Variants in JPT1 observed in about 807,000 individuals in gnomAD.
JPT1 encodes the protein Jupiter microtubule associated homolog 1, also known as androgen-regulated protein 2.
Under a neutral mutation model 17.0 loss-of-function variants are expected in JPT1, and 5 were observed. The observed-to-expected ratio is 0.29, with a 90% confidence interval of 0.15 to 0.62. JPT1 has a LOEUF of 0.62. Ranked by LOEUF, JPT1 falls within the 20% of genes least tolerant of loss-of-function variation. JPT1 has a pLI of 0.85. For missense variants in JPT1, 158 were observed against 188.1 expected, an observed-to-expected ratio of 0.84 and a Z score of 0.94; for synonymous variants, 71 against 73.6, an observed-to-expected ratio of 0.96 and a Z score of 0.18.
At chr17:75,136,350 T>C (rs138237652) in intron 4 of JPT1, 100 bp from the exon 5 acceptor site, 1 of 1,202,232 alleles carries the variant, frequency 8.3e-7, no homozygotes, top group Non-Finnish European at 1.2e-6. Flanking sequence ...GGTTTGATGG[T>C]TGGAAACATA....
At chr17:75,140,909 G>C (rs930120754) in intron 4 of JPT1, among the ~76,000 whole-genome samples, 2 of 152,174 alleles carry the variant, frequency 1.3e-5, no homozygotes, top group African/African-American at 4.8e-5. Context: ...GGGCAAGATG[G>C]TGAAATCCTG....
At chr17:75,147,146 G>A (rs779696311) in intron 3 of JPT1, among the ~76,000 whole-genome samples, 32 of 151,546 alleles carry the variant, frequency 2.1e-4, no homozygotes, top group Middle Eastern at 3.4e-3. Context: ...GTCGGGCGGG[G>A]TCTTTCCACT....
At chr17:75,150,843 CTTTCT>C (rs1399849308) in intron 1 of JPT1, among the ~76,000 whole-genome samples, 3 of 111,568 alleles carry the variant, frequency 2.7e-5, no homozygotes, top group Non-Finnish European at 3.6e-5. Flanking sequence ...CAACATTTTT[CTTTCT>C]TTTTTTTTTT....
chr17:75,153,223 AG>A (rs2074581186), intron 1 of JPT1: 1 of 152,224 alleles, frequency 6.6e-6, no homozygotes, highest in African/African-American at 2.4e-5. Flanking sequence ...CCCACCTTAA[AG>A]AACAGTGTGC....
rs76538354 is a variant in JPT1, at chr17:75,135,976, G to A, written c.*126C>T. On this transcript the variant is annotated 3_prime_UTR_variant, in exon 5 of 5. Coordinates refer to ENST00000409753, the MANE Select transcript of JPT1 (RefSeq NM_016185.4). ...TGTTCTTCAAAAGAAAAAAAAAAAA[G>A]ACAGCAGTACATAAAGTGCTTCTTT... 33 of 1,532,890 alleles carry A rather than the reference G, an allele frequency of 2.2e-5. No homozygotes were observed. Among genetic ancestry groups the A allele is most frequent in the Admixed American group, 6.2e-5 (3 of 48,316 alleles). The allele number at this position is 1,532,890 out of a possible 1,614,324, so 95.0% of individuals were successfully genotyped here. A position where few individuals can be genotyped will look rare whatever the true frequency, so the allele number is the denominator to read the frequency against.
chr17:75,152,046 T>C (rs2074562840), intron 1 of JPT1, among the ~76,000 whole-genome samples: 1 of 151,870 alleles, frequency 6.6e-6, no homozygotes, highest in Admixed American at 6.6e-5. Context: ...CTCTAACCAG[T>C]CCCACTTTTT....
At chr17:75,137,369 G>GAT (rs1250409093) in intron 4 of JPT1, among the ~76,000 whole-genome samples, 1 of 151,512 alleles carries the variant, frequency 6.6e-6, no homozygotes, top group African/African-American at 2.4e-5. Context: ...GCAGGTGGAG[G>GAT]ATATTGAGAC....
chr17:75,142,041 C>T (rs1334397961), intron 4 of JPT1, among the ~76,000 whole-genome samples: 3 of 152,108 alleles, frequency 2.0e-5, no homozygotes, highest in Non-Finnish European at 1.5e-5. Flanking sequence ...TGCACTCCAG[C>T]CTGGGTGACA....
chr17:75,153,187 GA>G (rs2074580464), intron 1 of JPT1: 1 of 152,188 alleles, frequency 6.6e-6, no homozygotes, highest in African/African-American at 2.4e-5. Flanking sequence ...TCCAAGCCTT[GA>G]AGAGGATCCC....
Position 75,144,721 on chromosome 17 carries a change from C to G in JPT1, c.316+1945G>C, listed in dbSNP as rs75155382. 1.8e-3 allele frequency among the ~76,000 whole-genome samples: 271 copies of G among 152,060 alleles called. 4 individuals carry two copies. In the East Asian group the frequency reaches 0.03, roughly 17 times the overall value. ...GAAGGGGCAGTCTTGTGGGACTGAC[C>G]CTCAACCTGCTGAATCTGAGGTTAT... On this transcript the variant is annotated intron_variant, in intron 4 of 4. Transcript: ENST00000409753.
rs371693377 is a variant in JPT1 at position 75,136,129 on chromosome 17, G to A, written c.438C>T (p.Gly146=). The change falls in exon 5 of 5, where the codon GGC becomes GGT. Residue 146 remains glycine (G), a synonymous_variant. Transcript: ENST00000409753. Reference sequence around the variant, plus strand: ...AACCCAAGACGAGGCTGGACTTGCCGCCAGGGGGATTTCTTCTGGATGGCA... The same window carrying A: ...AACCCAAGACGAGGCTGGACTTGCCACCAGGGGGATTTCTTCTGGATGGCA... The part of the protein sequence containing the change: ...APVPSRRNPP[G]GKSSLVLG The A allele has an allele frequency of 3.2e-5, 52 of 1,614,118 alleles. No homozygotes were observed. The highest frequency in any genetic ancestry group is 5.0e-5 in the Admixed American group (3 of 60,008).
chr17:75,151,861 C>A (rs924197710), intron 1 of JPT1, among the ~76,000 whole-genome samples: 1 of 150,832 alleles, frequency 6.6e-6, no homozygotes, highest in African/African-American at 2.4e-5. Flanking sequence ...CTCGGCTAGT[C>A]GGGAGGCTGA....
intron 4 of JPT1, among the ~76,000 whole-genome samples, chr17:75,144,017 A>C (rs2074377318): frequency 6.6e-6 from 1 of 151,666 alleles, no homozygotes; most frequent in South Asian, 2.1e-4. Context: ...ACCAAAACCC[A>C]GTCTTAAAAA....
intron 2 of JPT1, 116 bp downstream of exon 2, chr17:75,148,413 T>G: frequency 2.4e-6 from 3 of 1,249,864 alleles, no homozygotes; most frequent in East Asian, 4.8e-5. Context: ...CACCAGCTAA[T>G]TTTTGTTTTG....
chr17:75,148,736 C>A, intron 1 of JPT1, 65 bp from the exon 2 acceptor site: 1 of 1,575,926 alleles, frequency 6.3e-7, no homozygotes, highest in East Asian at 2.3e-5. Context: ...TAAATCTTTT[C>A]AGACAACTTT....
intron 4 of JPT1, among the ~76,000 whole-genome samples, chr17:75,141,667 AAAC>A (rs963954361): frequency 5.3e-5 from 8 of 151,100 alleles, no homozygotes; most frequent in Admixed American, 1.3e-4. Flanking sequence ...AAAAAGGAAA[AAAC>A]AACAACAGGT....
rs748082158 is a variant in JPT1, at chr17:75,136,155, C to T, written c.412G>A (p.Val138Met). The T allele has an allele frequency of 5.0e-6, 8 of 1,614,030 alleles. No individual in the cohort carries two copies. Among genetic ancestry groups the T allele is most frequent in the Non-Finnish European group, 6.8e-6 (8 of 1,180,038 alleles). The part of the protein sequence containing the change: ...PVPSPVAPAP[V>M]PSRRNPPGGK... Reference sequence around the variant, plus strand: ...CCAGGGGGATTTCTTCTGGATGGCACTGGGGCCGGGGCCACCGGGCTGGGC... The same window carrying T: ...CCAGGGGGATTTCTTCTGGATGGCATTGGGGCCGGGGCCACCGGGCTGGGC... The change falls in exon 5 of 5, where the codon GTG (valine) becomes ATG (methionine). Residue 138 changes from valine to methionine, a missense_variant. Val to Met is a conservative substitution (Grantham distance 21). Transcript: ENST00000409753.
At chr17:75,154,216 A>T in intron 1 of JPT1, 126 bp downstream of exon 1, 1 of 637,138 alleles carries the variant, frequency 1.6e-6, no homozygotes, top group Non-Finnish European at 2.2e-6. Context: ...GAACCCCGCC[A>T]CCCGCCCCGG....
chr17:75,140,787 T>C (rs564545505), intron 4 of JPT1, among the ~76,000 whole-genome samples: 1 of 151,894 alleles, frequency 6.6e-6, no homozygotes, highest in African/African-American at 2.4e-5. Flanking sequence ...CAAAACCCTG[T>C]CTCTACAGAA....
Sources: gnomAD v4.1 joint callset for allele counts (sites outside exome capture counted in the v4.1 genomes callset) on GRCh38, gnomAD v4.1.1 for gene constraint, MANE v1.5 for transcripts, NCBI Gene and HGNC (gene_info 2026-07-23, HGNC 2026-07-21) for gene names.